GCN1: variants seen among roughly 807,000 people sequenced by gnomAD.
GCN1 encodes the protein stalled ribosome sensor GCN1.
GCN1 carries 90 observed loss-of-function variants against 288.4 expected under a neutral mutation model. That is an observed-to-expected ratio of 0.31 (90% confidence interval 0.26 to 0.37). The LOEUF (loss-of-function observed/expected upper bound fraction) is 0.37, where lower values mean the gene tolerates loss of function less well. GCN1 is among the 10% of genes least tolerant of loss of function. GCN1 has a pLI of 1.00. For synonymous variants in GCN1, 1,386 were observed against 1,420.2 expected (o/e 0.98, Z 0.54); for missense variants, 2,586 against 3,419.9 (o/e 0.76, Z 6.08).
At position 120,151,327 on chromosome 12, in the gene GCN1, C is replaced by T; in HGVS notation, c.4127G>A (p.Gly1376Glu). Residue 1376 changes from glycine (G) to glutamate (E), a missense_variant, in exon 34 of 58, where the codon GGG (glycine) becomes GAG (glutamate). Coordinates refer to ENST00000300648, the MANE Select transcript of GCN1 (RefSeq NM_006836.2). Reference sequence around the variant, plus strand: ...CTGCTGCATAAGCCTCTGGATCATCCCTCCAGCATCCTCCTTGATGGCTGG... The same window carrying T: ...CTGCTGCATAAGCCTCTGGATCATCTCTCCAGCATCCTCCTTGATGGCTGG... ...LVPAIKEDAG[G>E]MIQRLMQQLL... 1 of 1,613,996 alleles carries T rather than the reference C, an allele frequency of 6.2e-7. No homozygotes were observed. The highest frequency in any genetic ancestry group is 8.5e-7 in the Non-Finnish European group (1 of 1,179,916).
intron 44 of GCN1, among the ~76,000 whole-genome samples, chr12:120,141,236 C>A (rs867531244): frequency 6.6e-6 from 1 of 152,180 alleles, no homozygotes; most frequent in Non-Finnish European, 1.5e-5. Context: ...CACACACCTA[C>A]ACAACCTAAC....
intron 3 of GCN1, 88 bp downstream of exon 3, chr12:120,184,736 T>G (rs1456686150): frequency 7.2e-6 from 7 of 968,124 alleles, no homozygotes; most frequent in African/African-American, 1.6e-5. Flanking sequence ...CACCAGGCAG[T>G]CTGGCTCTAA....
Position 120,142,623 on chromosome 12 carries a change from G to A in GCN1, c.5713C>T (p.Leu1905=), listed in dbSNP as rs960855175. ...GAGACAACAATCTTCCAGACATGCAGGGACGCCTGCCGCACCACCAGCTGG... is the reference window on the plus strand; with the variant it reads ...GAGACAACAATCTTCCAGACATGCAAGGACGCCTGCCGCACCACCAGCTGG... The part of the protein sequence containing the change: ...DTQLVVRQAS[L]HVWKIVVSNT... Residue 1905 remains leucine (L), a synonymous_variant, in exon 44 of 58, where the codon CTG becomes TTG. Coordinates refer to ENST00000300648, the MANE Select transcript of GCN1 (RefSeq NM_006836.2). This position sits in a 1 kb window ranked among gnomAD's most constrained non-coding sequence, Gnocchi z 4.9. 2.5e-6 allele frequency: 4 copies of A among 1,613,924 alleles called. No homozygotes were observed. The highest frequency in any genetic ancestry group is 3.4e-6 in the Non-Finnish European group (4 of 1,180,028).
intron 5 of GCN1, among the ~76,000 whole-genome samples, chr12:120,181,745 A>C (rs1878669954): frequency 6.6e-6 from 1 of 151,110 alleles, no homozygotes; most frequent in Non-Finnish European, 1.5e-5. Context: ...AGGCTGAGGC[A>C]GGAGAATCGC....
chr12:120,193,218 A>T (rs975354958), intron 1 of GCN1, among the ~76,000 whole-genome samples: 2 of 152,150 alleles, frequency 1.3e-5, no homozygotes, highest in Non-Finnish European at 2.9e-5. Context: ...AAAATACAGA[A>T]ATATTCTCCT....
intron 38 of GCN1, 27 bp from the exon 39 acceptor site, chr12:120,145,357 G>T: frequency 6.6e-7 from 1 of 1,521,884 alleles, no homozygotes; most frequent in Non-Finnish European, 8.8e-7. Context: ...GGCGGCTCAG[G>T]TGAGGCCCGA....
At position 120,147,282 on chromosome 12, in the gene GCN1, C is replaced by T. The variant is rs757931585; in HGVS notation, c.4727-10G>A. ...AGGACTGGAGCAATGGCTGCACATC[C>T]AAAGAGAAGAGAGCTGGATGATATA... On this transcript the variant is annotated splice_polypyrimidine_tract_variant and intron_variant, in intron 37 of 57. Transcript: ENST00000300648. 3.3e-6 allele frequency: 5 copies of T among 1,535,426 alleles called. No individual in the cohort carries two copies. The highest frequency in any genetic ancestry group is 4.5e-6 in the Non-Finnish European group (5 of 1,118,502).
At chr12:120,166,658 C>A (rs1023386117) in intron 16 of GCN1, among the ~76,000 whole-genome samples, 3 of 144,102 alleles carry the variant, frequency 2.1e-5, no homozygotes, top group Non-Finnish European at 4.5e-5. Context: ...GAGCTGAGAT[C>A]GCGCCACTGC....
rs913899933 is a variant in GCN1, at chr12:120,156,655, G to C, written c.3169-51C>G. On this transcript the variant is annotated intron_variant, in intron 27 of 57. Coordinates refer to ENST00000300648, the MANE Select transcript of GCN1 (RefSeq NM_006836.2). This position sits in a 1 kb window ranked among gnomAD's most constrained non-coding sequence, Gnocchi z 5.8. ...TCAGTCAGCAACTCATTTACTACTAGGGGGCCAGAGAGGGATATGCACTGA... is the reference window on the plus strand; with the variant it reads ...TCAGTCAGCAACTCATTTACTACTACGGGGCCAGAGAGGGATATGCACTGA... 6.3e-7 allele frequency: 1 copy of C among 1,590,128 alleles called. No homozygotes were observed.
At chr12:120,141,079 G>A in intron 44 of GCN1, 56 bp from the exon 45 acceptor site, 1 of 1,486,578 alleles carries the variant, frequency 6.7e-7, no homozygotes. Flanking sequence ...AGGGCACCCA[G>A]AGGAGGACTC....
intron 18 of GCN1, among the ~76,000 whole-genome samples, chr12:120,163,691 T>C (rs1311887804): frequency 1.3e-5 from 2 of 152,036 alleles, no homozygotes; most frequent in Non-Finnish European, 2.9e-5. Flanking sequence ...CCCTGGTCAA[T>C]TCATATGACA....
At chr12:120,161,257 G>A (rs1388136505) in intron 22 of GCN1, among the ~76,000 whole-genome samples, 5 of 152,150 alleles carry the variant, frequency 3.3e-5, no homozygotes, top group Non-Finnish European at 5.9e-5. Context: ...GTGCACTGTC[G>A]CCAGCACCCA....
chr12:120,154,303 T>C (rs1211386276), intron 31 of GCN1, among the ~76,000 whole-genome samples: 1 of 152,228 alleles, frequency 6.6e-6, no homozygotes, highest in African/African-American at 2.4e-5. Context: ...TTTCCAGTCA[T>C]GGAGCAAAGA....
At chr12:120,143,058 G>A (rs925420041) in intron 42 of GCN1, 117 bp from the exon 43 acceptor site, 3 of 628,334 alleles carry the variant, frequency 4.8e-6, no homozygotes, top group African/African-American at 1.8e-5. Context: ...GGTCATCTTG[G>A]AATGGGAAGA....
rs1304687042 is a variant in GCN1, at chr12:120,183,642, G to C, written c.353C>G (p.Thr118Ser). The C allele has an allele frequency of 6.2e-7, 1 of 1,613,586 alleles. No individual in the cohort carries two copies. Among genetic ancestry groups the C allele is most frequent in the African/African-American group, 1.3e-5 (1 of 74,928 alleles). ...SSGSAALLAL[T>S]WTCLLVRIVF... ...AATGCGCACCAGGAGGCAGGTCCAG[G>C]TCAAGGCCAGCAAGGCGGCAGAGCC... Residue 118 changes from threonine (T) to serine (S), a missense_variant, in exon 5 of 58, where the codon ACC becomes AGC. By Grantham distance (58) the Thr-to-Ser change is moderately conservative. Around this residue, in one of 8 missense-constraint regions of GCN1, gnomAD observed 913 missense variants for 1,107.0 expected, o/e 0.82. Transcript: ENST00000300648.
In GCN1 at chr12:120,129,536, A is replaced by G. The variant is rs557174205; in HGVS notation, c.7672-42T>C. On this transcript the variant is annotated intron_variant, in intron 56 of 57. Coordinates refer to ENST00000300648, the MANE Select transcript of GCN1 (RefSeq NM_006836.2). ...AAACAGGCTTTTGGATAGGCATGTCATCTATTCCTTGAAGCAGCCCAAATG... is the reference window on the plus strand; with the variant it reads ...AAACAGGCTTTTGGATAGGCATGTCGTCTATTCCTTGAAGCAGCCCAAATG... 60 of 1,444,994 alleles carry G rather than the reference A, an allele frequency of 4.2e-5. No individual in the cohort carries two copies. In the South Asian group the frequency reaches 5.4e-4, roughly 13 times the overall value. 89.5% of individuals were successfully genotyped at this position (1,444,994 alleles called of 1,614,324 possible). A position where few individuals can be genotyped will look rare whatever the true frequency, so the allele number is the denominator to read the frequency against.
At chr12:120,185,687 G>A (rs112472628) in intron 2 of GCN1, among the ~76,000 whole-genome samples, 415 of 151,992 alleles carry the variant, frequency 2.7e-3, no homozygotes, top group Middle Eastern at 0.017. Context: ...CGCAACCTCC[G>A]CCTCCCAGGT....
chr12:120,155,527 G>A lies in GCN1; in HGVS notation c.3440+65C>T, dbSNP rs780398387. The A allele has an allele frequency of 1.9e-6, 3 of 1,606,264 alleles. No homozygotes were observed. The South Asian group carries it at 3.3e-5, about 18-fold the overall frequency. On this transcript the variant is annotated intron_variant, in intron 29 of 57. Transcript: ENST00000300648. The surrounding 1 kb of genome is among the most constrained non-coding windows in gnomAD (Gnocchi z 4.9). ...TTCCCACTGGAGGCTGAGCACACTG[G>A]GTTCAGTTATTTCCTAAAGGAAGAG...
In GCN1 at chr12:120,137,945, T is replaced by A. The variant is rs1305373202; in HGVS notation, c.6349A>T (p.Met2117Leu). Reference protein sequence around the residue: ...RHLGVILPAVMLALKEKLGTP... With the variant: ...RHLGVILPAVLLALKEKLGTP... ...CCAAGCTTTTCCTTCAGGGCCAGCA[T>A]GACCGCTGGGAGGATCACGCCAAGA... The change falls in exon 48 of 58, where the codon ATG becomes TTG. Residue 2117 changes from methionine to leucine, a missense_variant. Coordinates refer to ENST00000300648, the MANE Select transcript of GCN1 (RefSeq NM_006836.2). This position sits in a 1 kb window ranked among gnomAD's most constrained non-coding sequence, Gnocchi z 5.2. 4.3e-6 allele frequency: 7 copies of A among 1,614,034 alleles called. No individual in the cohort carries two copies. Among genetic ancestry groups the A allele is most frequent in the African/African-American group, 1.3e-5 (1 of 74,910 alleles).
Sources: allele counts gnomAD v4.1 joint callset (sites outside exome capture counted in the v4.1 genomes callset), GRCh38; gene constraint gnomAD v4.1.1; regional missense constraint gnomAD v4.1.1; non-coding constraint Gnocchi (gnomAD v3.1); transcripts MANE v1.5; gene names NCBI Gene and HGNC (gene_info 2026-07-23, HGNC 2026-07-21).